LNX1: variants seen among roughly 807,000 people sequenced by gnomAD.
LNX1 encodes the protein ligand of numb-protein X 1.
LNX1 carries 54 observed loss-of-function variants against 68.4 expected under a neutral mutation model. The observed-to-expected ratio is 0.79, with a 90% confidence interval of 0.63 to 0.99. The LOEUF is 0.99. LNX1 is among the 50% of genes least tolerant of loss of function. The pLI is 0.00. For missense variants in LNX1, 906 were observed against 926.4 expected (o/e 0.98, Z 0.29); for synonymous variants, 336 against 350.0 (o/e 0.96, Z 0.45).
At chr4:53,560,551 A>C (rs1014023077) in intron 2 of LNX1, among the ~76,000 whole-genome samples, 5 of 152,196 alleles carry the variant, frequency 3.3e-5, no homozygotes, top group African/African-American at 1.2e-4. Context: ...ATGAGGTATG[A>C]GTAGAAATTA....
chr4:53,502,068 C>G (rs539217282), intron 4 of LNX1: 1 of 152,254 alleles, frequency 6.6e-6, no homozygotes, highest in South Asian at 2.1e-4. Flanking sequence ...CTGTATTGGT[C>G]TGGAAAGAAA....
chr4:53,553,378 C>T (rs1729651649), intron 2 of LNX1, among the ~76,000 whole-genome samples: 1 of 152,104 alleles, frequency 6.6e-6, no homozygotes, highest in South Asian at 2.1e-4. Context: ...GGATGGGCCC[C>T]CTCTCCCAAA....
intron 1 of LNX1, among the ~76,000 whole-genome samples, chr4:53,590,692 G>T (rs1212617128): frequency 6.6e-6 from 1 of 152,182 alleles, no homozygotes; most frequent in Non-Finnish European, 1.5e-5. Context: ...TCACATTCTT[G>T]CAGCAATGAG....
chr4:53,496,380 G>A lies in LNX1; in HGVS notation c.993C>T (p.Asp331=). 1 of 1,607,264 alleles carries A rather than the reference G, an allele frequency of 6.2e-7. No individual in the cohort carries two copies. The highest frequency in any genetic ancestry group is 8.5e-7 in the Non-Finnish European group (1 of 1,175,136). ...CGTAGTTGTGAGGGACATTGCTGAT[G>A]TCCATCCCGTTGACCTGGGGGCAGG... ...GDIILKVNGM[D]ISNVPHNYAV... is the part of the protein sequence containing the mutation. Residue 331 remains aspartate (D), a synonymous_variant, in exon 6 of 11, where the codon GAC becomes GAT. Coordinates refer to ENST00000263925, the MANE Select transcript of LNX1 (RefSeq NM_001126328.3).
intron 8 of LNX1, 30 bp from the exon 9 acceptor site, chr4:53,477,011 T>C: frequency 6.4e-7 from 1 of 1,572,116 alleles, no homozygotes; most frequent in Non-Finnish European, 8.7e-7. Flanking sequence ...AAGCTATCTT[T>C]AGTGAGAGCA....
At chr4:53,593,668 G>A (rs1380481236), upstream of LNX1, among the ~76,000 whole-genome samples, 37 of 151,978 alleles carry the variant, frequency 2.4e-4, 1 homozygote, top group Admixed American at 1.7e-3. Flanking sequence ...AAAATAATAT[G>A]GGCTTTTTTT....
At chr4:53,585,896 A>G (rs1732142777) in intron 1 of LNX1, among the ~76,000 whole-genome samples, 1 of 152,144 alleles carries the variant, frequency 6.6e-6, no homozygotes, top group African/African-American at 2.4e-5. Context: ...CAGGGGTTAC[A>G]TATTTCCAGG....
chr4:53,539,790 C>G (rs1728625469), intron 2 of LNX1, among the ~76,000 whole-genome samples: 1 of 152,182 alleles, frequency 6.6e-6, no homozygotes, highest in South Asian at 2.1e-4. Flanking sequence ...ATATTGCTCG[C>G]TTCATATTTT....
chr4:53,540,084 T>C (rs1401588636), intron 2 of LNX1, among the ~76,000 whole-genome samples: 1 of 152,204 alleles, frequency 6.6e-6, no homozygotes, highest in Non-Finnish European at 1.5e-5. Context: ...TACCCCATTC[T>C]TGCTAACAAC....
chr4:53,573,840 GA>G lies in LNX1; in HGVS notation c.162del (p.Pro55ArgfsTer49). ...CLQALLDPLD[T>X]PCGHTYCTLC... ...AGGGTGCAGTAGGTGTGTCCACACG[GA>G]GTGTCCAGGGGGTCCAGCAAAGCCT... On this transcript the variant is annotated frameshift_variant, in exon 2 of 11. Transcript: ENST00000263925. LOFTEE classifies it high-confidence loss of function. The G allele has an allele frequency of 1.2e-6, 2 of 1,613,726 alleles. No homozygotes were observed. Among genetic ancestry groups the G allele is most frequent in the African/African-American group, 2.7e-5 (2 of 75,046 alleles).
intron 2 of LNX1, among the ~76,000 whole-genome samples, chr4:53,515,216 A>G (rs1726672842): frequency 6.6e-6 from 1 of 152,174 alleles, no homozygotes; most frequent in South Asian, 2.1e-4. Context: ...GTCCCACATC[A>G]CTTAAGGCCG....
intron 1 of LNX1, chr4:53,575,845 A>T: frequency 6.3e-7 from 1 of 1,590,902 alleles, no homozygotes; most frequent in Non-Finnish European, 8.5e-7. Flanking sequence ...GGACCTAAAC[A>T]GGAGCATGTT....
Position 53,460,791 on chromosome 4 carries a change from T to G in LNX1, c.*116A>C. The G allele has an allele frequency of 1.9e-6, 2 of 1,080,284 alleles. No homozygotes were observed. Among genetic ancestry groups the G allele is most frequent in the Admixed American group, 5.5e-5 (2 of 36,644 alleles). 66.9% of individuals were successfully genotyped at this position (1,080,284 alleles called of 1,614,324 possible). A position where few individuals can be genotyped will look rare whatever the true frequency, so the allele number is the denominator to read the frequency against. ...TTTCATTAGATGATCATACTTTTCC[T>G]GACATTTTTACAATGTATTCTTTCT... On this transcript the variant is annotated 3_prime_UTR_variant, in exon 11 of 11. Coordinates refer to ENST00000263925, the MANE Select transcript of LNX1 (RefSeq NM_001126328.3).
intron 1 of LNX1, among the ~76,000 whole-genome samples, chr4:53,577,300 T>C (rs1407348146): frequency 6.6e-6 from 1 of 152,230 alleles, no homozygotes; most frequent in Non-Finnish European, 1.5e-5. Flanking sequence ...AGCTTCTCTG[T>C]AGTGTTCTGC....
At chr4:53,547,642 G>T (rs1328371828) in intron 2 of LNX1, among the ~76,000 whole-genome samples, 5 of 152,176 alleles carry the variant, frequency 3.3e-5, no homozygotes, top group Non-Finnish European at 5.9e-5. Flanking sequence ...AGTCGGGAAG[G>T]GCTCACAGGT....
At chr4:53,539,976 T>C (rs1427611347) in intron 2 of LNX1, among the ~76,000 whole-genome samples, 5 of 152,168 alleles carry the variant, frequency 3.3e-5, no homozygotes, top group Non-Finnish European at 4.4e-5. Flanking sequence ...GGAAATTCAG[T>C]ATTTTCAGTA....
At chr4:53,582,482 C>T (rs551001879) in intron 1 of LNX1, among the ~76,000 whole-genome samples, 5 of 152,320 alleles carry the variant, frequency 3.3e-5, no homozygotes, top group African/African-American at 1.2e-4. Context: ...TTCTCTCCAG[C>T]AAGGACACCA....
chr4:53,543,951 G>T (rs1728926151), intron 2 of LNX1, among the ~76,000 whole-genome samples: 1 of 151,972 alleles, frequency 6.6e-6, no homozygotes, highest in Non-Finnish European at 1.5e-5. Context: ...TAAACAAACA[G>T]AAAAAACCAA....
chr4:53,489,981 G>C (rs183401785), intron 6 of LNX1, among the ~76,000 whole-genome samples: 406 of 151,886 alleles, frequency 2.7e-3, no homozygotes, highest in African/African-American at 9.2e-3. Context: ...TACCACAAAA[G>C]TTCTACCCTT....
Sources: gnomAD v4.1 joint callset for allele counts (sites outside exome capture counted in the v4.1 genomes callset) on GRCh38, gnomAD v4.1.1 for gene constraint, MANE v1.5 for transcripts, NCBI Gene and HGNC (gene_info 2026-07-23, HGNC 2026-07-21) for gene names.